The following CYP3A43 variants were observed in gnomAD, a reference collection of about 807,000 sequenced individuals.
The protein encoded by CYP3A43 is cytochrome P450 3A43.
Under a neutral mutation model 58.0 loss-of-function variants are expected in CYP3A43, and 45 were observed. The ratio of observed to expected loss-of-function variants is 0.78; its 90% confidence interval spans 0.61 to 0.99. The LOEUF (loss-of-function observed/expected upper bound fraction) is 0.99. CYP3A43 is among the 50% of genes least tolerant of loss of function. The pLI is 0.00. For synonymous variants in CYP3A43, 191 were observed against 201.4 expected (o/e 0.95, Z 0.44); for missense variants, 593 against 591.9 (o/e 1.00, Z -0.02).
intron 9 of CYP3A43, 97 bp downstream of exon 9, chr7:99,856,996 T>C (rs1270182256): frequency 7.2e-7 from 1 of 1,396,198 alleles, no homozygotes; most frequent in Non-Finnish European, 9.9e-7. Flanking sequence ...AAAATGAGAA[T>C]TTCTTCCACA....
intron 3 of CYP3A43, 81 bp from the exon 4 acceptor site, chr7:99,844,062 C>A: frequency 1.8e-6 from 2 of 1,131,408 alleles, no homozygotes; most frequent in South Asian, 1.4e-5. Context: ...ATGTCAGGAT[C>A]AAAATCTGGA....
At chr7:99,848,931 A>G (rs1817638586) in intron 6 of CYP3A43, among the ~76,000 whole-genome samples, 1 of 152,220 alleles carries the variant, frequency 6.6e-6, no homozygotes, top group South Asian at 2.1e-4. Flanking sequence ...GGAGTGATCT[A>G]TTTGTTTAAT....
chr7:99,861,033 C>A (rs1391148200), intron 10 of CYP3A43, among the ~76,000 whole-genome samples: 1 of 151,930 alleles, frequency 6.6e-6, no homozygotes, highest in African/African-American at 2.4e-5. Context: ...GCTACTATGC[C>A]CGGCTAATTT....
chr7:99,840,396 A>G (rs1817284385), intron 3 of CYP3A43, among the ~76,000 whole-genome samples: 1 of 152,222 alleles, frequency 6.6e-6, no homozygotes, highest in Non-Finnish European at 1.5e-5. Context: ...CAGAATAAGG[A>G]CAAGACCAGA....
In CYP3A43 at chr7:99,849,955, A is replaced by ATTTTT. The variant is rs71515286; in HGVS notation, c.670+278_670+282dup. On this transcript the variant is annotated intron_variant, in intron 7 of 12. Transcript: ENST00000354829. ...TCATCCCCTTCCAATCTTCCTCACC[A>ATTTTT]TTTTTTTTTTTTTTTTTTTTTAGAC... The ATTTTT allele has an allele frequency of 1.5e-3, 535 of 363,380 alleles. 9 individuals are homozygous for ATTTTT. Among genetic ancestry groups the ATTTTT allele is most frequent in the African/African-American group, 3.9e-3 (107 of 27,360 alleles). 22.5% of individuals were successfully genotyped at this position (363,380 alleles called of 1,614,324 possible). A position where few individuals can be genotyped will look rare whatever the true frequency, so the allele number is the denominator to read the frequency against.
At position 99,855,693 on chromosome 7, in the gene CYP3A43, A is replaced by C. The variant is rs778737914; in HGVS notation, c.773A>C (p.Glu258Ala). Residue 258 changes from glutamate (E) to alanine (A), a missense_variant, in exon 8 of 13, where the codon GAA becomes GCA. Glu to Ala is a moderately radical substitution (Grantham distance 107). Transcript: ENST00000354829. ...FLKNSIERMK[E>A]SRLKDKQKHR... ...AAAAATTCCATTGAAAGGATGAAAG[A>C]AAGTCGCCTCAAAGATAAACAAAAG... The C allele has an allele frequency of 6.2e-7, 1 of 1,611,738 alleles. No homozygotes were observed. Among genetic ancestry groups the C allele is most frequent in the Non-Finnish European group, 8.5e-7 (1 of 1,179,120 alleles).
chr7:99,854,662 T>C (rs1188649100), intron 7 of CYP3A43, among the ~76,000 whole-genome samples: 1 of 152,202 alleles, frequency 6.6e-6, no homozygotes, highest in Non-Finnish European at 1.5e-5. Flanking sequence ...TACATTTAGG[T>C]TATTGATTTG....
At chr7:99,859,149 C>T (rs1818116977) in intron 9 of CYP3A43, among the ~76,000 whole-genome samples, 1 of 152,160 alleles carries the variant, frequency 6.6e-6, no homozygotes, top group African/African-American at 2.4e-5. Flanking sequence ...GTAATCCATG[C>T]TTCTCAAGCC....
chr7:99,841,443 G>A (rs1454507769), intron 3 of CYP3A43, among the ~76,000 whole-genome samples: 1 of 152,050 alleles, frequency 6.6e-6, no homozygotes, highest in Non-Finnish European at 1.5e-5. Flanking sequence ...TGTCACCCAG[G>A]CTGGAGTGCA....
At chr7:99,855,205 C>A (rs924950828) in intron 7 of CYP3A43, among the ~76,000 whole-genome samples, 1 of 152,110 alleles carries the variant, frequency 6.6e-6, no homozygotes, top group Non-Finnish European at 1.5e-5. Context: ...GGACATTTGC[C>A]GTATTGTTTC....
At position 99,855,473 on chromosome 7, in the gene CYP3A43, A is replaced by G. The variant is rs1178450207; in HGVS notation, c.671-118A>G. Reference sequence around the variant, plus strand: ...AAGAGGGGCAAAGGTCATACAGGAAATGGATCCTGGTTGAGAACCCTGAAG... The same window carrying G: ...AAGAGGGGCAAAGGTCATACAGGAAGTGGATCCTGGTTGAGAACCCTGAAG... On this transcript the variant is annotated intron_variant, in intron 7 of 12. Transcript: ENST00000354829. 6 of 1,291,794 alleles carry G rather than the reference A, an allele frequency of 4.6e-6. No homozygotes were observed. In the East Asian group the frequency reaches 1.6e-4, roughly 34 times the overall value. The allele number at this position is 1,291,794 out of a possible 1,614,324, so 80.0% of individuals were successfully genotyped here.
In CYP3A43 at chr7:99,849,429, C is replaced by G; in HGVS notation, c.522-117C>G. Reference sequence around the variant, plus strand: ...ATGGGAGATGATGCAGCAGATTGTTCTGATTGTGTGTGGGTTTTCACCTGT... The same window carrying G: ...ATGGGAGATGATGCAGCAGATTGTTGTGATTGTGTGTGGGTTTTCACCTGT... On this transcript the variant is annotated intron_variant, in intron 6 of 12. Coordinates refer to ENST00000354829, the MANE Select transcript of CYP3A43 (RefSeq NM_057095.3). 6.6e-6 allele frequency: 8 copies of G among 1,208,442 alleles called. No individual in the cohort carries two copies. In the South Asian group the frequency reaches 1.4e-4, roughly 22 times the overall value. The allele number at this position is 1,208,442 out of a possible 1,614,324, so 74.9% of individuals were successfully genotyped here. A position where few individuals can be genotyped will look rare whatever the true frequency, so the allele number is the denominator to read the frequency against.
chr7:99,855,556 T>G (rs1170478099), intron 7 of CYP3A43, 35 bp from the exon 8 acceptor site: 1 of 1,575,762 alleles, frequency 6.3e-7, no homozygotes, highest in Non-Finnish European at 8.6e-7. Flanking sequence ...TTCACTATGA[T>G]TTATTTTTTC....
chr7:99,832,175 G>A (rs1816869725), intron 1 of CYP3A43, among the ~76,000 whole-genome samples: 1 of 151,946 alleles, frequency 6.6e-6, no homozygotes, highest in African/African-American at 2.4e-5. Flanking sequence ...GAAGGTGTCA[G>A]CAAAGGGCCT....
chr7:99,863,661 CT>C lies in CYP3A43; in HGVS notation c.1379del (p.Leu460ArgfsTer16). On this transcript the variant is annotated frameshift_variant, in exon 12 of 13. Coordinates refer to ENST00000354829, the MANE Select transcript of CYP3A43 (RefSeq NM_057095.3). LOFTEE classifies it low-confidence loss of function (END_TRUNC). ...CATAAAACTTGCTGTCATTAGAGCA[CT>C]GCAGAACTTCTCCTTCAAACCTTGT... ...TNIKLAVIRA[L>X]QNFSFKPCKE... 2.5e-6 allele frequency: 4 copies of C among 1,611,198 alleles called. No individual in the cohort carries two copies. Among genetic ancestry groups the C allele is most frequent in the Non-Finnish European group, 3.4e-6 (4 of 1,179,044 alleles).
intron 9 of CYP3A43, among the ~76,000 whole-genome samples, chr7:99,859,194 G>T (rs1187548059): frequency 6.6e-6 from 1 of 152,132 alleles, no homozygotes; most frequent in Non-Finnish European, 1.5e-5. Context: ...TCTCATGAAA[G>T]TTCAGATTTT....
At chr7:99,846,005 G>A (rs905198429) in intron 4 of CYP3A43, among the ~76,000 whole-genome samples, 11 of 152,046 alleles carry the variant, frequency 7.2e-5, no homozygotes, top group Non-Finnish European at 1.3e-4. Context: ...TCGAACTCCT[G>A]ACCACAGGTG....
intron 2 of CYP3A43, 61 bp downstream of exon 2, chr7:99,836,607 A>G (rs1817091919): frequency 1.6e-6 from 2 of 1,234,554 alleles, no homozygotes. Flanking sequence ...GCTTAGTCCT[A>G]TCAGTAAAAA....
At chr7:99,847,968 G>T in intron 5 of CYP3A43, 198 bp from the exon 6 acceptor site, 2 of 599,202 alleles carry the variant, frequency 3.3e-6, no homozygotes, top group East Asian at 2.9e-5. Context: ...CCAAGATTGC[G>T]CCGTTGCACT....
Sources: gnomAD v4.1 joint callset for allele counts (sites outside exome capture counted in the v4.1 genomes callset) on GRCh38, gnomAD v4.1.1 for gene constraint, MANE v1.5 for transcripts, NCBI Gene and HGNC (gene_info 2026-07-23, HGNC 2026-07-21) for gene names.